NDST3: variants seen among roughly 807,000 people sequenced by gnomAD.
The protein encoded by NDST3 is N-deacetylase and N-sulfotransferase 3.
Under a neutral mutation model 96.1 loss-of-function variants are expected in NDST3, and 58 were observed. That is an observed-to-expected ratio of 0.60 (90% confidence interval 0.49 to 0.75). The LOEUF (loss-of-function observed/expected upper bound fraction) is 0.75. NDST3 is among the 30% of genes least tolerant of loss of function. The pLI is 0.00. For synonymous variants in NDST3, 333 were observed against 359.7 expected (o/e 0.93, Z 0.84); for missense variants, 788 against 1,034.2 (o/e 0.76, Z 3.27).
At chr4:118,147,790 C>G (rs1280324021) in intron 6 of NDST3, among the ~76,000 whole-genome samples, 1 of 152,122 alleles carries the variant, frequency 6.6e-6, no homozygotes, top group Non-Finnish European at 1.5e-5. Context: ...CTCATATGCA[C>G]TAAACAAAAA....
chr4:118,096,361 T>C (rs942135767), intron 2 of NDST3, among the ~76,000 whole-genome samples: 1 of 151,908 alleles, frequency 6.6e-6, no homozygotes, highest in Non-Finnish European at 1.5e-5. Context: ...TGCTTCCTCA[T>C]ACCTTATCTT....
At chr4:118,149,967 G>T (rs1415025631) in intron 6 of NDST3, among the ~76,000 whole-genome samples, 1 of 106,524 alleles carries the variant, frequency 9.4e-6, no homozygotes, top group Admixed American at 9.0e-5. Context: ...TAGCATGAAG[G>T]GTTGTTGAAT....
At chr4:118,163,330 A>G (rs1175003288) in intron 6 of NDST3, among the ~76,000 whole-genome samples, 1 of 152,246 alleles carries the variant, frequency 6.6e-6, no homozygotes, top group African/African-American at 2.4e-5. Context: ...TGTTCACAAT[A>G]GCAAAGACTT....
intron 4 of NDST3, among the ~76,000 whole-genome samples, chr4:118,118,867 G>A (rs1407001626): frequency 6.6e-6 from 1 of 152,028 alleles, no homozygotes; most frequent in Non-Finnish European, 1.5e-5. Flanking sequence ...CATTAGAAAG[G>A]TAAAATAGTA....
intron 1 of NDST3, among the ~76,000 whole-genome samples, chr4:118,050,278 C>T (rs933042235): frequency 2.6e-5 from 4 of 152,038 alleles, no homozygotes; most frequent in Non-Finnish European, 4.4e-5. Context: ...CAATGTCATA[C>T]TGAACAGGCA....
rs1485263002 is a variant in NDST3, at chr4:118,093,796, C to T, written c.982-11222C>T. On this transcript the variant is annotated intron_variant, in intron 2 of 13. Coordinates refer to ENST00000296499, the MANE Select transcript of NDST3 (RefSeq NM_004784.3). ...TTGCCTTAGTTCATTTGTACTGCTA[C>T]AACAAAATGCCACAGACTGGGTAAT... 2.0e-5 allele frequency among the ~76,000 whole-genome samples: 3 copies of T among 151,810 alleles called. No individual in the cohort carries two copies. In the South Asian group the frequency reaches 6.2e-4, roughly 31 times the overall value.
intron 4 of NDST3, among the ~76,000 whole-genome samples, chr4:118,133,474 G>A (rs1732811421): frequency 6.6e-6 from 1 of 152,164 alleles, no homozygotes; most frequent in Non-Finnish European, 1.5e-5. Context: ...ATTCAAGACT[G>A]TCTCTCCAAC....
In NDST3 at chr4:118,257,748, A is replaced by G. The variant is rs1742201750; in HGVS notation, c.*2036A>G. 6.6e-6 allele frequency: 1 copy of G among 152,180 alleles called. No individual in the cohort carries two copies. The highest frequency in any genetic ancestry group is 1.5e-5 in the Non-Finnish European group (1 of 68,020). 9.4% of individuals were successfully genotyped at this position (152,180 alleles called of 1,614,324 possible). A position where few individuals can be genotyped will look rare whatever the true frequency, so the allele number is the denominator to read the frequency against. On this transcript the variant is annotated 3_prime_UTR_variant, in exon 14 of 14. Transcript: ENST00000296499. ...ACTATTAGCAGAAAAAATTGGAAAA[A>G]TCACCAATTTTTAAGACTCTTGACT...
intron 6 of NDST3, among the ~76,000 whole-genome samples, chr4:118,178,666 G>T (rs928767455): frequency 2.6e-5 from 4 of 152,024 alleles, no homozygotes; most frequent in Non-Finnish European, 5.9e-5. Flanking sequence ...ATCTCTTCAA[G>T]ACCCTGTTTT....
rs1030871094 is a variant in NDST3 at position 118,205,509 on chromosome 4, G to A, written c.1540-18982G>A. On this transcript the variant is annotated intron_variant, in intron 6 of 13. Transcript: ENST00000296499. ...GACACTCACAGAATATAGGACAGTT[G>A]TATCTACATTAGATGGTTCCAGTTA... Among the ~76,000 whole-genome samples, 6 of 144,622 alleles carry A rather than the reference G, an allele frequency of 4.1e-5. 1 individual carries two copies. Among genetic ancestry groups the A allele is most frequent in the African/African-American group, 7.7e-5 (3 of 39,166 alleles). The allele number at this position is 144,622 out of a possible 152,430, so 94.9% of individuals were successfully genotyped here. A position where few individuals can be genotyped will look rare whatever the true frequency, so the allele number is the denominator to read the frequency against.
At chr4:118,215,491 G>A (rs1475816062) in intron 6 of NDST3, among the ~76,000 whole-genome samples, 1 of 152,040 alleles carries the variant, frequency 6.6e-6, no homozygotes, top group Non-Finnish European at 1.5e-5. Flanking sequence ...TGGAGGTGAG[G>A]AGTAAAGTCA....
chr4:118,128,852 T>C (rs1732352212), intron 4 of NDST3, among the ~76,000 whole-genome samples: 1 of 152,030 alleles, frequency 6.6e-6, no homozygotes, highest in Non-Finnish European at 1.5e-5. Context: ...TTATTATGTC[T>C]TCAATCTTAT....
chr4:118,167,804 A>G (rs1279985695), intron 6 of NDST3, among the ~76,000 whole-genome samples: 1 of 152,060 alleles, frequency 6.6e-6, no homozygotes, highest in Non-Finnish European at 1.5e-5. Context: ...AGAATACCCA[A>G]TGAGGAAAAG....
In NDST3 at chr4:118,105,714, G is replaced by A. The variant is rs189851745; in HGVS notation, c.1069+609G>A. On this transcript the variant is annotated intron_variant, in intron 3 of 13. Coordinates refer to ENST00000296499, the MANE Select transcript of NDST3 (RefSeq NM_004784.3). ...TTGTCTATTCCATTAAGCTGTAGAT[G>A]GTTGGGTGTTTCCAGACTTTGAGTT... Among the ~76,000 whole-genome samples the A allele has an allele frequency of 8.3e-4, 127 of 152,220 alleles. 3 individuals are homozygous for A. In the East Asian group the frequency reaches 0.024, roughly 29 times the overall value.
rs183382874 is a variant in NDST3 at position 118,045,444 on chromosome 4, A to G, written c.-155-8312A>G. ...TAAATTCAGTCTGCTGAACATTTAT[A>G]TTTTAAATAGCATGAGAGCTACCCC... is the stretch of plus-strand genomic sequence containing the variant. On this transcript the variant is annotated intron_variant, in intron 1 of 13. Coordinates refer to ENST00000296499, the MANE Select transcript of NDST3 (RefSeq NM_004784.3). Among the ~76,000 whole-genome samples the G allele has an allele frequency of 1.5e-3, 231 of 152,316 alleles. 1 individual carries two copies. Among genetic ancestry groups the G allele is most frequent in the African/African-American group, 4.3e-3 (179 of 41,566 alleles).
intron 12 of NDST3, among the ~76,000 whole-genome samples, chr4:118,250,851 A>C (rs905914407): frequency 6.6e-6 from 1 of 151,994 alleles, no homozygotes; most frequent in African/African-American, 2.4e-5. Flanking sequence ...TATTCCAAAT[A>C]CAAGTTCTAT....
At chr4:118,219,360 A>C (rs1739392655) in intron 6 of NDST3, among the ~76,000 whole-genome samples, 1 of 152,156 alleles carries the variant, frequency 6.6e-6, no homozygotes, top group South Asian at 2.1e-4. Context: ...CCAATGGAAC[A>C]GAACAGCGAC....
rs1409794528 is a variant in NDST3 at position 118,258,202 on chromosome 4, C to T, written c.*2490C>T. ...GGAAGAGATCTTACCAAAATTTATTCATTCACAAGTACATGTATTACGCTA... is the reference window on the plus strand; with the variant it reads ...GGAAGAGATCTTACCAAAATTTATTTATTCACAAGTACATGTATTACGCTA... On this transcript the variant is annotated 3_prime_UTR_variant, in exon 14 of 14. Coordinates refer to ENST00000296499, the MANE Select transcript of NDST3 (RefSeq NM_004784.3). The T allele has an allele frequency of 6.6e-6, 1 of 152,152 alleles. No homozygotes were observed. Among genetic ancestry groups the T allele is most frequent in the Non-Finnish European group, 1.5e-5 (1 of 68,008 alleles). 9.4% of individuals were successfully genotyped at this position (152,152 alleles called of 1,614,324 possible).
intron 6 of NDST3, among the ~76,000 whole-genome samples, chr4:118,183,166 G>C (rs1158641934): frequency 6.6e-6 from 1 of 152,150 alleles, no homozygotes; most frequent in African/African-American, 2.4e-5. Flanking sequence ...CAGAGATCCA[G>C]GAGGGCTGTC....
Sources: allele counts gnomAD v4.1 joint callset (sites outside exome capture counted in the v4.1 genomes callset), GRCh38; gene constraint gnomAD v4.1.1; transcripts MANE v1.5; gene names NCBI Gene and HGNC (gene_info 2026-07-23, HGNC 2026-07-21).